Variants in PRSS23 observed in about 807,000 individuals in gnomAD.
PRSS23 encodes the protein serine protease 23.
A neutral mutation model predicts 34.7 loss-of-function variants in PRSS23; 25 were observed. The observed-to-expected ratio is 0.72, with a 90% CI of 0.53 to 1.01. PRSS23 has a LOEUF of 1.01. Among genes scored for constraint, PRSS23 ranks in the 50% least tolerant of loss-of-function variants. The probability of loss-of-function intolerance (pLI) is 0.00; values close to 1 mark genes in which losing one functional copy is unlikely to be tolerated. For synonymous variants in PRSS23, 176 were observed against 186.6 expected (o/e 0.94, Z 0.46); for missense variants, 445 against 475.6 (o/e 0.94, Z 0.60).
intron 2 of PRSS23, among the ~76,000 whole-genome samples, chr11:86,877,857 C>CAA (rs11403638): frequency 0.11 from 13,312 of 125,736 alleles, 1,306 homozygotes; most frequent in African/African-American, 0.27. Context: ...TTCATTTCTG[C>CAA]AAAAAAAAAA....
chr11:86,926,745 C>T (rs1949084575), intron 2 of PRSS23, among the ~76,000 whole-genome samples: 1 of 152,156 alleles, frequency 6.6e-6, no homozygotes. Flanking sequence ...GGGAAAGGAC[C>T]AAGCACTCAT....
chr11:86,935,688 A>AT (rs1470581957), intron 2 of PRSS23: 1 of 152,080 alleles, frequency 6.6e-6, no homozygotes, highest in Admixed American at 6.6e-5. Context: ...TATAATCACT[A>AT]TTTTTTATAT....
rs975666424 is a variant in PRSS23, at chr11:86,810,288, T to C, written c.*1493T>C. ...TGCTTGCACCCCAGGTAAACCTGCA[T>C]TGTAGCAATTTGTAAGGATATTCAG... On this transcript the variant is annotated 3_prime_UTR_variant, in exon 2 of 2. Coordinates refer to ENST00000280258, the MANE Select transcript of PRSS23 (RefSeq NM_007173.6). 6 of 166,528 alleles carry C rather than the reference T, an allele frequency of 3.6e-5. No individual in the cohort carries two copies. Among genetic ancestry groups the C allele is most frequent in the Admixed American group, 1.3e-4 (2 of 15,290 alleles). 10.3% of individuals were successfully genotyped at this position (166,528 alleles called of 1,614,324 possible).
At chr11:86,845,219 A>C (rs1217011222) in intron 2 of PRSS23, among the ~76,000 whole-genome samples, 1 of 152,188 alleles carries the variant, frequency 6.6e-6, no homozygotes, top group Non-Finnish European at 1.5e-5. Context: ...GTGCCACGCA[A>C]AATATAGACT....
chr11:86,827,962 T>A (rs1948316858), intron 2 of PRSS23, among the ~76,000 whole-genome samples: 1 of 152,218 alleles, frequency 6.6e-6, no homozygotes, highest in African/African-American at 2.4e-5. Flanking sequence ...GAGAAAAATG[T>A]ATATTCTGTT....
chr11:86,838,201 A>C (rs916307082), intron 2 of PRSS23, among the ~76,000 whole-genome samples: 1 of 152,098 alleles, frequency 6.6e-6, no homozygotes, highest in Non-Finnish European at 1.5e-5. Context: ...CCATCACAAC[A>C]ATCAACCATC....
chr11:86,924,357 A>G (rs2135007087), intron 2 of PRSS23, among the ~76,000 whole-genome samples: 1 of 152,320 alleles, frequency 6.6e-6, no homozygotes, highest in South Asian at 2.1e-4. Flanking sequence ...GCCAACTCCT[A>G]CAGCCATTTC....
At chr11:86,940,940 T>G (rs1350606890) in intron 2 of PRSS23, 2 of 152,202 alleles carry the variant, frequency 1.3e-5, no homozygotes, top group East Asian at 3.8e-4. Flanking sequence ...AACGACCTAC[T>G]GGGTACAAAT....
At chr11:86,828,223 G>A (rs1202436030) in intron 2 of PRSS23, among the ~76,000 whole-genome samples, 2 of 152,184 alleles carry the variant, frequency 1.3e-5, no homozygotes, top group African/African-American at 2.4e-5. Flanking sequence ...TCTTCTTGTT[G>A]AATTGATCCC....
chr11:86,838,634 G>A (rs188657249), intron 2 of PRSS23, among the ~76,000 whole-genome samples: 129 of 152,260 alleles, frequency 8.5e-4, no homozygotes, highest in Middle Eastern at 3.4e-3. Flanking sequence ...CTCTCAGCAT[G>A]GCATTCGAGC....
At chr11:86,853,891 G>T (rs552325410) in intron 2 of PRSS23, among the ~76,000 whole-genome samples, 1 of 152,216 alleles carries the variant, frequency 6.6e-6, no homozygotes, top group Admixed American at 6.5e-5. Flanking sequence ...ACCATTGCTT[G>T]TTTGTTTATC....
intron 2 of PRSS23, among the ~76,000 whole-genome samples, chr11:86,847,996 T>C (rs868728518): frequency 1.3e-5 from 2 of 152,260 alleles, no homozygotes; most frequent in African/African-American, 4.8e-5. Context: ...CTGGCCTCAC[T>C]GAAGTGTTAA....
intron 1 of PRSS23, among the ~76,000 whole-genome samples, chr11:86,803,652 T>TC (rs1265935645): frequency 6.6e-6 from 1 of 152,100 alleles, no homozygotes; most frequent in East Asian, 1.9e-4. Context: ...GAGGGTTGTT[T>TC]CCCCCTCAGG....
intron 1 of PRSS23, among the ~76,000 whole-genome samples, chr11:86,807,026 A>G (rs926076573): frequency 6.6e-6 from 1 of 152,172 alleles, no homozygotes; most frequent in Non-Finnish European, 1.5e-5. Flanking sequence ...ACAAAACAAA[A>G]CAAAAAATCT....
In PRSS23 at chr11:86,808,124, A is replaced by C; in HGVS notation, c.481A>C (p.Thr161Pro). ...STSVKLSTGC[T>P]GTLVAEKHVL... ...ATCAGTGAAGTTATCCACGGGCTGC[A>C]CCGGCACCCTGGTGGCAGAGAAGCA... The change falls in exon 2 of 2, where the codon ACC (threonine) becomes CCC (proline). Residue 161 changes from threonine to proline, a missense_variant. Physicochemically the swap from Thr to Pro is conservative, Grantham distance 38. Transcript: ENST00000280258. 6.2e-7 allele frequency: 1 copy of C among 1,614,220 alleles called. No homozygotes were observed. The highest frequency in any genetic ancestry group is 1.3e-5 in the African/African-American group (1 of 75,068).
At chr11:86,866,513 A>C (rs1226769229) in intron 2 of PRSS23, among the ~76,000 whole-genome samples, 1 of 152,212 alleles carries the variant, frequency 6.6e-6, no homozygotes, top group Non-Finnish European at 1.5e-5. Context: ...TCATCTATTC[A>C]TTCATGAATC....
At chr11:86,816,249 C>G (rs567568517) in intron 1 of PRSS23, among the ~76,000 whole-genome samples, 2 of 152,308 alleles carry the variant, frequency 1.3e-5, no homozygotes, top group South Asian at 2.1e-4. Flanking sequence ...CAAATGTCCT[C>G]AAGCCCACCT....
intron 2 of PRSS23, among the ~76,000 whole-genome samples, chr11:86,942,660 G>T (rs1456373130): frequency 1.3e-5 from 2 of 152,164 alleles, no homozygotes; most frequent in East Asian, 3.8e-4. Context: ...TGAGAAGTTG[G>T]AATCCTTTGC....
At chr11:86,846,917 A>G (rs1948490496) in intron 2 of PRSS23, among the ~76,000 whole-genome samples, 1 of 152,232 alleles carries the variant, frequency 6.6e-6, no homozygotes, top group South Asian at 2.1e-4. Flanking sequence ...TCATGTGGAT[A>G]GTAGAAGCCT....
Sources: gnomAD v4.1 joint callset for allele counts (sites outside exome capture counted in the v4.1 genomes callset) on GRCh38, gnomAD v4.1.1 for gene constraint, MANE v1.5 for transcripts, NCBI Gene and HGNC (gene_info 2026-07-23, HGNC 2026-07-21) for gene names.